TAB2: variants seen among roughly 807,000 people sequenced by gnomAD.
TAB2 encodes the protein TGF-beta-activated kinase 1 and MAP3K7-binding protein 2.
A neutral mutation model predicts 65.0 loss-of-function variants in TAB2; 3 were observed. That is an observed-to-expected ratio of 0.05 (90% CI 0.02 to 0.12). The LOEUF (loss-of-function observed/expected upper bound fraction) is 0.12, where lower values mean the gene tolerates loss of function less well. TAB2 is among the 10% of genes least tolerant of loss of function. The probability of loss-of-function intolerance (pLI) is 1.00; values close to 1 mark genes in which losing one functional copy is unlikely to be tolerated. For missense variants in TAB2, 623 were observed against 840.3 expected, an observed-to-expected ratio of 0.74 and a Z score of 3.20; for synonymous variants, 298 against 285.1, an observed-to-expected ratio of 1.05 and a Z score of -0.46.
At chr6:149,262,684 C>T (rs533156354) in intron 1 of TAB2, among the ~76,000 whole-genome samples, 1 of 152,344 alleles carries the variant, frequency 6.6e-6, no homozygotes, top group Admixed American at 6.5e-5. Flanking sequence ...AGCAGCAAAT[C>T]CACATCACAT....
At chr6:149,374,157 A>C (rs1166304157) in intron 2 of TAB2, among the ~76,000 whole-genome samples, 1 of 152,222 alleles carries the variant, frequency 6.6e-6, no homozygotes, top group Non-Finnish European at 1.5e-5. Flanking sequence ...TGCAGAATGT[A>C]ACCAAATAGT....
At chr6:149,304,623 G>GC (rs1779029273) in intron 1 of TAB2, among the ~76,000 whole-genome samples, 1 of 152,204 alleles carries the variant, frequency 6.6e-6, no homozygotes, top group Admixed American at 6.5e-5. Flanking sequence ...CCGACACTCT[G>GC]CCTTCACTTC....
intron 1 of TAB2, among the ~76,000 whole-genome samples, chr6:149,275,412 A>G (rs148617930): frequency 9.2e-5 from 14 of 152,284 alleles, no homozygotes; most frequent in African/African-American, 3.4e-4. Context: ...GAGCAACAAA[A>G]TAAATAAAGT....
At chr6:149,235,100 A>AG (rs1777472389) in intron 1 of TAB2, among the ~76,000 whole-genome samples, 1 of 152,248 alleles carries the variant, frequency 6.6e-6, no homozygotes, top group Non-Finnish European at 1.5e-5. Context: ...TGTGCCACTC[A>AG]ATCTGAGTTC....
chr6:149,358,604 A>T (rs567383178), intron 1 of TAB2, among the ~76,000 whole-genome samples: 1 of 103,394 alleles, frequency 9.7e-6, no homozygotes, highest in African/African-American at 3.2e-5. Context: ...CAATACATCT[A>T]GGTGCAGATT....
chr6:149,232,374 CACA>C (rs1270643005), intron 1 of TAB2, among the ~76,000 whole-genome samples: 1 of 152,122 alleles, frequency 6.6e-6, no homozygotes, highest in African/African-American at 2.4e-5. Flanking sequence ...ATTACAGGCA[CACA>C]ACACCACGCC....
chr6:149,377,942 C>T (rs1781458458), intron 2 of TAB2, 76 bp from the exon 3 acceptor site: 1 of 1,097,108 alleles, frequency 9.1e-7, no homozygotes, highest in Non-Finnish European at 1.4e-6. Context: ...ACTTGGTAAT[C>T]ATGTATTTGT....
intron 6 of TAB2, among the ~76,000 whole-genome samples, chr6:149,402,701 C>T (rs777242780): frequency 3.3e-5 from 5 of 152,176 alleles, no homozygotes; most frequent in Admixed American, 6.5e-5. Flanking sequence ...ACCAATATTA[C>T]TGATGAACAT....
intron 3 of TAB2, among the ~76,000 whole-genome samples, chr6:149,395,771 A>G (rs1021417360): frequency 1.3e-5 from 2 of 151,724 alleles, no homozygotes; most frequent in Non-Finnish European, 2.9e-5. Flanking sequence ...TTATCAGAAC[A>G]TATATTGAGT....
chr6:149,224,580 A>G (rs1583030867), intron 1 of TAB2, among the ~76,000 whole-genome samples: 4 of 152,332 alleles, frequency 2.6e-5, no homozygotes, highest in African/African-American at 9.6e-5. Context: ...GTTCTCACTC[A>G]GATGACATGA....
intron 1 of TAB2, among the ~76,000 whole-genome samples, chr6:149,357,430 A>AAAAAAAACACACACACACACACACAC: frequency 5.4e-5 from 6 of 111,184 alleles, no homozygotes; most frequent in African/African-American, 2.1e-4. Flanking sequence ...AGAAAAAAAA[A>AAAAAAAACACACACACACACACACAC]ACACACACAC....
At chr6:149,229,433 A>AT (rs1165998294) in intron 1 of TAB2, among the ~76,000 whole-genome samples, 1 of 150,894 alleles carries the variant, frequency 6.6e-6, no homozygotes, top group Non-Finnish European at 1.5e-5. Flanking sequence ...TGTGTGTGTA[A>AT]TTTTTTTCTT....
intron 1 of TAB2, among the ~76,000 whole-genome samples, chr6:149,286,638 G>A (rs57671746): frequency 0.19 from 29,076 of 152,042 alleles, 3,013 homozygotes; most frequent in East Asian, 0.43. Flanking sequence ...GCACAAAAAC[G>A]TTCATCACTG....
At chr6:149,403,307 T>C (rs558334421) in intron 6 of TAB2, among the ~76,000 whole-genome samples, 2,201 of 70,546 alleles carry the variant, frequency 0.031, 110 homozygotes, top group Non-Finnish European at 0.049. Flanking sequence ...TATATATATA[T>C]ATATATACAC....
chr6:149,312,893 A>G (rs562121718), upstream of TAB2, among the ~76,000 whole-genome samples: 5 of 152,330 alleles, frequency 3.3e-5, no homozygotes, highest in Admixed American at 2.6e-4. Context: ...CTGATTTTCA[A>G]GAGTACAATA....
At chr6:149,242,530 T>C (rs1777620707) in intron 1 of TAB2, among the ~76,000 whole-genome samples, 1 of 152,202 alleles carries the variant, frequency 6.6e-6, no homozygotes, top group Non-Finnish European at 1.5e-5. Context: ...GAAGACTTCA[T>C]GACTGTCCCA....
chr6:149,267,933 G>A (rs1778293846), intron 1 of TAB2, among the ~76,000 whole-genome samples: 2 of 152,136 alleles, frequency 1.3e-5, no homozygotes, highest in Non-Finnish European at 1.5e-5. Context: ...TGACCAAAAC[G>A]TCATTATGTG....
At chr6:149,270,438 G>A (rs1426991263) in intron 1 of TAB2, among the ~76,000 whole-genome samples, 6 of 151,914 alleles carry the variant, frequency 3.9e-5, no homozygotes, top group African/African-American at 1.5e-4. Flanking sequence ...GAGATCTATT[G>A]TATAGCACGA....
At chr6:149,373,489 C>T (rs1781296588) in intron 2 of TAB2, among the ~76,000 whole-genome samples, 2 of 151,712 alleles carry the variant, frequency 1.3e-5, no homozygotes, top group Admixed American at 1.3e-4. Context: ...TCACATTATT[C>T]TCCTCCACTA....
Sources: gnomAD v4.1 joint callset for allele counts (sites outside exome capture counted in the v4.1 genomes callset) on GRCh38, gnomAD v4.1.1 for gene constraint, MANE v1.5 for transcripts, NCBI Gene and HGNC (gene_info 2026-07-23, HGNC 2026-07-21) for gene names.